DDX31: variants seen among roughly 807,000 people sequenced by gnomAD.
The protein encoded by DDX31 is DEAD-box helicase 31.
In DDX31, 70 loss-of-function variants were observed where a neutral mutation model predicts 91.3. That is an observed-to-expected ratio of 0.77 (90% CI 0.63 to 0.94). DDX31 has a LOEUF of 0.94. DDX31 is among the 40% of genes least tolerant of loss of function. The pLI, the probability that DDX31 is intolerant of heterozygous loss-of-function variation, is 0.00. For missense variants in DDX31, 902 were observed against 925.0 expected, an observed-to-expected ratio of 0.98 and a Z score of 0.32; for synonymous variants, 362 against 350.6, an observed-to-expected ratio of 1.03 and a Z score of -0.36.
intron 6 of DDX31, among the ~76,000 whole-genome samples, chr9:132,654,432 G>A (rs1435132640): frequency 6.6e-6 from 1 of 152,076 alleles, no homozygotes; most frequent in Non-Finnish European, 1.5e-5. Context: ...CCAACATGGT[G>A]AAACCCTGTC....
chr9:132,622,582 G>T (rs932378893), intron 17 of DDX31, among the ~76,000 whole-genome samples: 1 of 152,188 alleles, frequency 6.6e-6, no homozygotes, highest in Non-Finnish European at 1.5e-5. Context: ...TCTGCACTCG[G>T]GGATAAAGAC....
intron 7 of DDX31, among the ~76,000 whole-genome samples, chr9:132,651,706 T>C (rs1474764179): frequency 6.6e-6 from 1 of 152,192 alleles, no homozygotes; most frequent in Non-Finnish European, 1.5e-5. Flanking sequence ...ATTAACAACC[T>C]TCAAAAATGC....
chr9:132,632,630 C>T lies in DDX31; in HGVS notation c.1441-539G>A, dbSNP rs1832864359. On this transcript the variant is annotated intron_variant, in intron 14 of 19. Coordinates refer to ENST00000372159, the MANE Select transcript of DDX31 (RefSeq NM_022779.9). ...AGGTGTGTTCTGGAACATCTCCCCT[C>T]AAGGCATTCGCTGTGGGAGTGAAGT... Among the ~76,000 whole-genome samples the T allele has an allele frequency of 3.9e-5, 6 of 152,176 alleles. 1 individual carries two copies. The South Asian group carries it at 1.2e-3, about 32-fold the overall frequency.
chr9:132,658,632 C>A (rs756123851), intron 6 of DDX31, 39 bp downstream of exon 6: 8 of 1,565,840 alleles, frequency 5.1e-6, no homozygotes, highest in Non-Finnish European at 3.5e-6. Context: ...GTTGCTTATG[C>A]ACTATGAGCA....
At chr9:132,650,798 T>A (rs1002293045) in intron 8 of DDX31, among the ~76,000 whole-genome samples, 14 of 152,350 alleles carry the variant, frequency 9.2e-5, no homozygotes, top group Non-Finnish European at 1.9e-4. Flanking sequence ...TGGATCACCA[T>A]CAGGCTGTAC....
intron 6 of DDX31, among the ~76,000 whole-genome samples, chr9:132,652,855 GA>G (rs1211916397): frequency 6.6e-6 from 1 of 152,116 alleles, no homozygotes; most frequent in Non-Finnish European, 1.5e-5. Flanking sequence ...TGCCATGTAA[GA>G]AATGTCTTTC....
At chr9:132,608,956 G>A in intron 19 of DDX31, among the ~76,000 whole-genome samples, 1 of 152,176 alleles carries the variant, frequency 6.6e-6, no homozygotes, top group East Asian at 1.9e-4. Context: ...GTGCAGATTA[G>A]CTGCAAAGTC....
At chr9:132,669,449 C>T (rs1835565689) in intron 1 of DDX31, 2 of 555,510 alleles carry the variant, frequency 3.6e-6, no homozygotes, top group Admixed American at 6.5e-5. Context: ...TGACTCTTCC[C>T]AGACAGGAAT....
intron 13 of DDX31, among the ~76,000 whole-genome samples, chr9:132,642,464 G>GT (rs890634162): frequency 2.3e-4 from 35 of 152,256 alleles, no homozygotes; most frequent in African/African-American, 7.7e-4. Flanking sequence ...TCTACAGGCA[G>GT]TTTTTTAAAA....
intron 12 of DDX31, 57 bp downstream of exon 12, chr9:132,646,766 C>G: frequency 1.3e-6 from 2 of 1,558,944 alleles, no homozygotes; most frequent in Non-Finnish European, 1.8e-6. Context: ...AATGGCTTAA[C>G]ACAAGAAAGC....
At chr9:132,637,785 C>T (rs1833217501) in intron 14 of DDX31, 2 of 981,892 alleles carry the variant, frequency 2.0e-6, no homozygotes, top group Non-Finnish European at 2.4e-6. Flanking sequence ...AGCAAACAAT[C>T]TCCAAATGAT....
intron 16 of DDX31, among the ~76,000 whole-genome samples, 173 bp downstream of exon 16, chr9:132,630,089 CAT>C (rs1300520062): frequency 6.6e-6 from 1 of 152,224 alleles, no homozygotes; most frequent in Non-Finnish European, 1.5e-5. Context: ...TGAAAACTGT[CAT>C]GTGCTGAGGA....
intron 19 of DDX31, among the ~76,000 whole-genome samples, chr9:132,609,823 T>C (rs761553555): frequency 6.6e-6 from 1 of 152,100 alleles, no homozygotes; most frequent in Non-Finnish European, 1.5e-5. Flanking sequence ...GGTTTCACCA[T>C]CTTGGCCAGG....
intron 17 of DDX31, among the ~76,000 whole-genome samples, chr9:132,624,825 G>C (rs149055724): frequency 8.7e-4 from 132 of 152,314 alleles, no homozygotes; most frequent in Non-Finnish European, 1.4e-3. Context: ...ATTTAAGTCA[G>C]GCTCAGTGAA....
rs1670083398 is a variant in DDX31 at position 132,662,312 on chromosome 9, T to A, written c.357A>T (p.Glu119Asp). The change falls in exon 3 of 20, where the codon GAA becomes GAT. Residue 119 changes from glutamate to aspartate, a missense_variant. Glu to Asp is a conservative substitution (Grantham distance 45, BLOSUM62 2). Transcript: ENST00000372159. ...GAAAAGCAGCTGAAGTAAACACTTT[T>A]TCTTGCACCTGCTTTACCACAGGTC... ...LHRPVVKQVQEKVFTSAAFHE... is the reference protein window; with the variant it reads ...LHRPVVKQVQDKVFTSAAFHE... 4.3e-6 allele frequency: 7 copies of A among 1,614,228 alleles called. No homozygotes were observed. Among genetic ancestry groups the A allele is most frequent in the Non-Finnish European group, 5.9e-6 (7 of 1,180,050 alleles).
intron 17 of DDX31, among the ~76,000 whole-genome samples, chr9:132,624,034 G>A (rs1832226424): frequency 6.6e-6 from 1 of 151,868 alleles, no homozygotes; most frequent in Admixed American, 6.6e-5. Flanking sequence ...GGGCGTGGTG[G>A]CATGTGCCTG....
At chr9:132,669,434 G>A (rs574474503) in intron 1 of DDX31, 183 of 469,612 alleles carry the variant, frequency 3.9e-4, no homozygotes, top group Non-Finnish European at 6.2e-4. Context: ...ATGGTTTGTA[G>A]GGCATGACTC....
In DDX31 at chr9:132,630,287, G is replaced by C. The variant is rs774184361; in HGVS notation, c.1608C>G (p.Asn536Lys). 2.5e-6 allele frequency: 4 copies of C among 1,581,786 alleles called. No individual in the cohort carries two copies. Among genetic ancestry groups the C allele is most frequent in the Non-Finnish European group, 3.5e-6 (4 of 1,154,282 alleles). Residue 536 changes from asparagine to lysine, a missense_variant, in exon 16 of 20, where the codon AAC becomes AAG. Physicochemically the swap from Asn to Lys is moderately conservative, Grantham distance 94 (BLOSUM62 0). Coordinates refer to ENST00000372159, the MANE Select transcript of DDX31 (RefSeq NM_022779.9). ...ACTTGATTTTGTGAGAAGCCAACGA[G>C]TTGACATATTCTGCCTCCGAAGGAG... ...ILAPSEAEYV[N>K]SLASHKINVS...
chr9:132,624,747 T>C (rs1490337667), intron 17 of DDX31, among the ~76,000 whole-genome samples: 5 of 152,230 alleles, frequency 3.3e-5, no homozygotes, highest in African/African-American at 7.2e-5. Flanking sequence ...ACTTTGCTAA[T>C]AGAGGCTATG....
Sources: gnomAD v4.1 joint callset for allele counts (sites outside exome capture counted in the v4.1 genomes callset) on GRCh38, gnomAD v4.1.1 for gene constraint, MANE v1.5 for transcripts, NCBI Gene and HGNC (gene_info 2026-07-23, HGNC 2026-07-21) for gene names.